CSMD1: variants seen among roughly 807,000 people sequenced by gnomAD.
CSMD1 encodes the protein CUB and sushi domain-containing protein 1.
CSMD1 carries 213 observed loss-of-function variants against 417.5 expected under a neutral mutation model. The observed-to-expected ratio is 0.51, with a 90% CI of 0.46 to 0.57. The LOEUF is 0.57. Among genes scored for constraint, CSMD1 ranks in the 20% least tolerant of loss-of-function variants. The pLI is 0.00. For synonymous variants in CSMD1, 2,862 were observed against 1,736.8 expected, an observed-to-expected ratio of 1.65 and a Z score of -16.11; for missense variants, 6,923 against 4,529.7, an observed-to-expected ratio of 1.53 and a Z score of -15.17.
At chr8:3,177,307 A>G (rs1375418058) in intron 37 of CSMD1, among the ~76,000 whole-genome samples, 5 of 152,150 alleles carry the variant, frequency 3.3e-5, no homozygotes, top group African/African-American at 1.2e-4. Flanking sequence ...GCCTAGGGGC[A>G]CAGCTGGAGG....
chr8:4,255,339 G>A (rs1164345100), intron 3 of CSMD1, among the ~76,000 whole-genome samples: 2 of 152,180 alleles, frequency 1.3e-5, no homozygotes, highest in African/African-American at 4.8e-5. Flanking sequence ...AATATCTGCA[G>A]TCATTGTTCT....
rs554172499 is a variant in CSMD1, at chr8:3,013,976, C to G, written c.8029+4501G>C. On this transcript the variant is annotated intron_variant, in intron 52 of 69. Transcript: ENST00000635120. ...TGTCACATATGAGCCTGCTCTTACC[C>G]AAAACTCCCAAGTTCTCTGCCTCTA... Among the ~76,000 whole-genome samples the G allele has an allele frequency of 1.4e-4, 21 of 152,214 alleles. No individual in the cohort carries two copies. The South Asian group carries it at 4.4e-3, about 32-fold the overall frequency.
rs191137373 is a variant in CSMD1 at position 3,246,525 on chromosome 8, G to A, written c.4154-16294C>T. 3.8e-3 allele frequency among the ~76,000 whole-genome samples: 580 copies of A among 152,098 alleles called. 2 individuals carry two copies. Among genetic ancestry groups the A allele is most frequent in the Non-Finnish European group, 6.4e-3 (437 of 67,994 alleles). ...CTCACTCTGTCACCCAGGCTGGTGT[G>A]CAGTGACTCAGTCTGGGCTCACTGC... On this transcript the variant is annotated intron_variant, in intron 26 of 69. Transcript: ENST00000635120.
chr8:4,867,854 T>G (rs1465819302), intron 1 of CSMD1, among the ~76,000 whole-genome samples: 4 of 152,116 alleles, frequency 2.6e-5, no homozygotes, highest in African/African-American at 9.7e-5. Context: ...TCTCAATATT[T>G]TATATCATTA....
chr8:3,270,946 A>C (rs1483075290), intron 26 of CSMD1, among the ~76,000 whole-genome samples: 1 of 149,806 alleles, frequency 6.7e-6, no homozygotes, highest in Non-Finnish European at 1.5e-5. Flanking sequence ...TTATTATTAT[A>C]CTGTAAGTTT....
At chr8:4,040,699 A>G (rs2980795) in intron 3 of CSMD1, among the ~76,000 whole-genome samples, 85,792 of 151,998 alleles carry the variant, frequency 0.56, 24,267 homozygotes, top group Middle Eastern at 0.6. Context: ...GCAAATTCAT[A>G]TAATAGCAAA....
chr8:3,428,507 G>A (rs1013552590), intron 12 of CSMD1, among the ~76,000 whole-genome samples: 10 of 151,876 alleles, frequency 6.6e-5, no homozygotes, highest in Non-Finnish European at 1.5e-4. Flanking sequence ...TAAAAATGAT[G>A]GGGAAAAAAA....
At chr8:4,108,269 G>A (rs1212489135) in intron 3 of CSMD1, among the ~76,000 whole-genome samples, 3 of 152,152 alleles carry the variant, frequency 2.0e-5, no homozygotes, top group Admixed American at 2.0e-4. Flanking sequence ...TGTTTCAAAT[G>A]CTGTTGAATG....
intron 42 of CSMD1, among the ~76,000 whole-genome samples, chr8:3,111,624 G>T (rs1816521491): frequency 6.6e-6 from 1 of 152,048 alleles, no homozygotes; most frequent in Non-Finnish European, 1.5e-5. Context: ...CTGAGGTCAG[G>T]AGTTTGAGAC....
At chr8:4,358,425 C>A (rs888238622) in intron 3 of CSMD1, among the ~76,000 whole-genome samples, 3 of 152,192 alleles carry the variant, frequency 2.0e-5, no homozygotes, top group Admixed American at 2.0e-4. Context: ...ATATGAAATT[C>A]AAATTTCAGT....
chr8:3,924,847 C>G (rs562094659), intron 5 of CSMD1, among the ~76,000 whole-genome samples: 2 of 152,042 alleles, frequency 1.3e-5, no homozygotes, highest in African/African-American at 4.8e-5. Flanking sequence ...TTTTGTCAGG[C>G]GGTTCAAAAA....
At chr8:3,940,497 CTGTGTGTGTG>C (rs34005059) in intron 5 of CSMD1, among the ~76,000 whole-genome samples, 2,588 of 144,990 alleles carry the variant, frequency 0.018, 55 homozygotes, top group Admixed American at 0.052. Flanking sequence ...ATTATTTCCT[CTGTGTGTGTG>C]TGTGTGTGTG....
At chr8:4,040,309 C>T (rs2740912) in intron 3 of CSMD1, among the ~76,000 whole-genome samples, 2 of 152,076 alleles carry the variant, frequency 1.3e-5, no homozygotes, top group African/African-American at 4.8e-5. Context: ...TGTTCCAAGT[C>T]GTTTATATAT....
intron 3 of CSMD1, among the ~76,000 whole-genome samples, chr8:4,076,719 T>G (rs1799839549): frequency 1.3e-5 from 2 of 152,220 alleles, no homozygotes; most frequent in South Asian, 4.1e-4. Flanking sequence ...GCTACTCATC[T>G]CTGGCTCTCC....
At chr8:3,525,786 T>C (rs147514211) in intron 10 of CSMD1, among the ~76,000 whole-genome samples, 2 of 152,316 alleles carry the variant, frequency 1.3e-5, no homozygotes, top group East Asian at 1.9e-4. Flanking sequence ...GAATTTCTAA[T>C]AGAAACTTGG....
chr8:4,016,168 G>A (rs934794494), intron 4 of CSMD1, among the ~76,000 whole-genome samples: 3 of 152,070 alleles, frequency 2.0e-5, no homozygotes, highest in South Asian at 2.1e-4. Context: ...AGCATTGAAC[G>A]TTCATAACGT....
At chr8:3,324,021 G>T (rs200569867) in intron 23 of CSMD1, among the ~76,000 whole-genome samples, 1 of 129,970 alleles carries the variant, frequency 7.7e-6, no homozygotes, top group Non-Finnish European at 1.6e-5. Context: ...AGACCCAGGA[G>T]GGGGAGTTTC....
intron 69 of CSMD1, among the ~76,000 whole-genome samples, chr8:2,941,346 A>G (rs565798253): frequency 2.6e-5 from 4 of 152,360 alleles, no homozygotes; most frequent in Non-Finnish European, 4.4e-5. Flanking sequence ...AAATAATATC[A>G]TGACAGTTTT....
At chr8:3,389,141 G>A (rs926561525) in intron 17 of CSMD1, among the ~76,000 whole-genome samples, 2 of 152,054 alleles carry the variant, frequency 1.3e-5, no homozygotes, top group Non-Finnish European at 2.9e-5. Context: ...TTAAGTTCAG[G>A]GGTACATGTG....
Sources: gnomAD v4.1 joint callset for allele counts (sites outside exome capture counted in the v4.1 genomes callset) on GRCh38, gnomAD v4.1.1 for gene constraint, MANE v1.5 for transcripts, NCBI Gene and HGNC (gene_info 2026-07-23, HGNC 2026-07-21) for gene names.